FAM13B: variants seen among roughly 807,000 people sequenced by gnomAD.
The protein encoded by FAM13B is protein FAM13B.
In FAM13B, 60 loss-of-function variants were observed where a neutral mutation model predicts 117.3. The observed-to-expected ratio is 0.51, with a 90% CI of 0.42 to 0.63. The LOEUF (loss-of-function observed/expected upper bound fraction) is 0.63. Among genes scored for constraint, FAM13B ranks in the 30% least tolerant of loss-of-function variants. The probability of loss-of-function intolerance (pLI) is 0.00; values close to 1 mark genes in which losing one functional copy is unlikely to be tolerated. For missense variants in FAM13B, 972 were observed against 1,091.9 expected, an observed-to-expected ratio of 0.89 and a Z score of 1.55; for synonymous variants, 332 against 356.1, an observed-to-expected ratio of 0.93 and a Z score of 0.76.
At chr5:138,016,112 T>TATC (rs1407737227) in intron 4 of FAM13B, among the ~76,000 whole-genome samples, 1 of 152,242 alleles carries the variant, frequency 6.6e-6, no homozygotes, top group Admixed American at 6.5e-5. Context: ...ATTCCATGAA[T>TATC]ATCAACACAG....
chr5:137,942,129 A>C (rs536125869), intron 22 of FAM13B, 84 bp from the exon 23 acceptor site: 46 of 1,176,624 alleles, frequency 3.9e-5, no homozygotes, highest in Non-Finnish European at 5.3e-5. Flanking sequence ...CTGCAAATTA[A>C]AAGTGGCTGG....
chr5:137,946,988 G>A (rs982767392), intron 18 of FAM13B, among the ~76,000 whole-genome samples: 4 of 152,126 alleles, frequency 2.6e-5, no homozygotes, highest in Non-Finnish European at 5.9e-5. Context: ...TCTTCTCACA[G>A]CTTTTAGTAG....
chr5:137,977,804 C>T (rs1156309666), intron 10 of FAM13B, among the ~76,000 whole-genome samples: 1 of 152,216 alleles, frequency 6.6e-6, no homozygotes, highest in Non-Finnish European at 1.5e-5. Context: ...GCTCCTCTTT[C>T]TTTACCAATA....
chr5:138,008,442 G>A (rs960136866), intron 6 of FAM13B, among the ~76,000 whole-genome samples: 1 of 152,042 alleles, frequency 6.6e-6, no homozygotes, highest in Non-Finnish European at 1.5e-5. Context: ...ATTTGGTTTC[G>A]AAATTAAATA....
chr5:138,032,564 C>T (rs1390186131), intron 1 of FAM13B, among the ~76,000 whole-genome samples: 1 of 152,182 alleles, frequency 6.6e-6, no homozygotes, highest in East Asian at 1.9e-4. Context: ...CCACACCCCC[C>T]GGCAGCCAGG....
At position 137,986,435 on chromosome 5, in the gene FAM13B, C is replaced by CCT. The variant is rs753349065; in HGVS notation, c.1046+1025_1046+1026insAG. On this transcript the variant is annotated intron_variant, in intron 9 of 23. Transcript: ENST00000689681. ...TACATTTTTCTCATCTTCCCCCCCC[C>CCT]AAAAAAAATTGATATATGAAAAACA... 4.6e-3 allele frequency among the ~76,000 whole-genome samples: 676 copies of CCT among 145,944 alleles called. 9 individuals carry two copies. Among genetic ancestry groups the CCT allele is most frequent in the Middle Eastern group, 7.0e-3 (2 of 284 alleles).
At position 138,022,490 on chromosome 5, in the gene FAM13B, A is replaced by G. The variant is rs1189751607; in HGVS notation, c.-202-1293T>C. 2.0e-5 allele frequency among the ~76,000 whole-genome samples: 3 copies of G among 152,366 alleles called. No individual in the cohort carries two copies. The East Asian group carries it at 5.8e-4, about 29-fold the overall frequency. The stretch of plus-strand genomic sequence containing the variant: ...GTTATTAGTAACATACACCTCCAGG[A>G]GAAACATTAAAAACTGAAGGGAAGG... On this transcript the variant is annotated intron_variant, in intron 1 of 23. Coordinates refer to ENST00000689681, the MANE Select transcript of FAM13B (RefSeq NM_001385994.1).
At chr5:137,944,763 C>CAAAAAAAAAAAAA (rs56204519) in intron 20 of FAM13B, among the ~76,000 whole-genome samples, 1 of 147,602 alleles carries the variant, frequency 6.8e-6, no homozygotes. Flanking sequence ...ATCTCAAAAA[C>CAAAAAAAAAAAAA]AAAAAAAAAA....
In FAM13B at chr5:137,983,213, A is replaced by AAAAAAC. The variant is rs1561492748; in HGVS notation, c.1179+2043_1179+2044insGTTTTT. Among the ~76,000 whole-genome samples, 88 of 93,710 alleles carry AAAAAAC rather than the reference A, an allele frequency of 9.4e-4. 8 individuals carry two copies. Among genetic ancestry groups the AAAAAAC allele is most frequent in the Non-Finnish European group, 1.5e-3 (66 of 43,934 alleles). The allele number at this position is 93,710 out of a possible 152,430, so 61.5% of individuals were successfully genotyped here. A position where few individuals can be genotyped will look rare whatever the true frequency, so the allele number is the denominator to read the frequency against. On this transcript the variant is annotated intron_variant, in intron 10 of 23. Transcript: ENST00000689681. Reference sequence around the variant, plus strand: ...AAAAAAAAAAAAAAAAAAAAAAAAAAAACCGAGTGAGATATCCTGAATGCC... The same window carrying AAAAAAC: ...AAAAAAAAAAAAAAAAAAAAAAAAAAAAAAACAACCGAGTGAGATATCCTGAATGCC...
intron 1 of FAM13B, among the ~76,000 whole-genome samples, chr5:138,045,831 G>T (rs1490579785): frequency 6.6e-6 from 1 of 151,682 alleles, no homozygotes; most frequent in Non-Finnish European, 1.5e-5. Context: ...TGTAATCCCA[G>T]CTACTCTGGA....
intron 1 of FAM13B, among the ~76,000 whole-genome samples, chr5:138,040,378 G>C (rs1308485305): frequency 6.6e-6 from 1 of 151,304 alleles, no homozygotes; most frequent in African/African-American, 2.4e-5. Context: ...GACCAGCCTG[G>C]CCAATATGGT....
intron 1 of FAM13B, among the ~76,000 whole-genome samples, chr5:138,045,493 A>G (rs1791614923): frequency 6.6e-6 from 1 of 152,106 alleles, no homozygotes; most frequent in Non-Finnish European, 1.5e-5. Context: ...AGACTGTACC[A>G]TTGCACTTCA....
In FAM13B at chr5:137,939,707, G is replaced by A; in HGVS notation, c.*518C>T. On this transcript the variant is annotated 3_prime_UTR_variant, in exon 24 of 24. Transcript: ENST00000689681. ...AGAAAGGTGTTCCATAGTACGACTT[G>A]AAATCTCAGTTTGATTTTGGTTTTC... 4.0e-6 allele frequency: 1 copy of A among 250,400 alleles called. No individual in the cohort carries two copies. The highest frequency in any genetic ancestry group is 6.7e-6 in the Non-Finnish European group (1 of 148,192). 15.5% of individuals were successfully genotyped at this position (250,400 alleles called of 1,614,324 possible).
At position 137,946,210 on chromosome 5, in the gene FAM13B, T is replaced by C. The variant is rs762426637; in HGVS notation, c.2244+18A>G. 2 of 1,564,294 alleles carry C rather than the reference T, an allele frequency of 1.3e-6. No homozygotes were observed. Among genetic ancestry groups the C allele is most frequent in the Non-Finnish European group, 1.7e-6 (2 of 1,155,574 alleles). On this transcript the variant is annotated intron_variant, in intron 19 of 23. Coordinates refer to ENST00000689681, the MANE Select transcript of FAM13B (RefSeq NM_001385994.1). ...TTTAAGACATAAAATCAAATCTTTT[T>C]AGCAAGAGAGATATTACCGGCCTTC...
chr5:137,959,807 T>C, intron 12 of FAM13B, 44 bp from the exon 13 acceptor site: 1 of 1,591,100 alleles, frequency 6.3e-7, no homozygotes. Context: ...TACGGAAGCT[T>C]TTCACACCCA....
intron 1 of FAM13B, among the ~76,000 whole-genome samples, chr5:138,047,751 G>A (rs868567837): frequency 8.5e-5 from 13 of 152,274 alleles, no homozygotes; most frequent in South Asian, 2.1e-4. Flanking sequence ...GCCATTGCTG[G>A]CTTTGAAAGT....
chr5:138,014,050 C>T (rs11242411), intron 4 of FAM13B, among the ~76,000 whole-genome samples: 17,539 of 152,174 alleles, frequency 0.12, 1,578 homozygotes, highest in East Asian at 0.36. Context: ...GATCCTCCCA[C>T]GTCAACTTCC....
intron 10 of FAM13B, among the ~76,000 whole-genome samples, chr5:137,981,377 G>A (rs1454875106): frequency 6.6e-6 from 1 of 152,110 alleles, no homozygotes; most frequent in Non-Finnish European, 1.5e-5. Context: ...GAGGCCAGGA[G>A]TTTGAGGTTA....
At chr5:138,039,199 G>T (rs1240150599) in intron 1 of FAM13B, 1 of 152,080 alleles carries the variant, frequency 6.6e-6, no homozygotes, top group Non-Finnish European at 1.5e-5. Flanking sequence ...AACTTTTATT[G>T]TTGAAAATAA....
Sources: gnomAD v4.1 joint callset for allele counts (sites outside exome capture counted in the v4.1 genomes callset) on GRCh38, gnomAD v4.1.1 for gene constraint, MANE v1.5 for transcripts, NCBI Gene and HGNC (gene_info 2026-07-23, HGNC 2026-07-21) for gene names.